The following SUPT3H variants were observed in gnomAD, a reference collection of about 807,000 sequenced individuals.
SUPT3H encodes SPT3 homolog, SAGA and STAGA complex component.
Under a neutral mutation model 44.3 loss-of-function variants are expected in SUPT3H, and 44 were observed. That is an observed-to-expected ratio of 0.99 (90% CI 0.78 to 1.28). SUPT3H has a LOEUF of 1.28. Among genes scored for constraint, SUPT3H ranks in the 50% most tolerant of loss-of-function variants. The pLI is 0.00. For missense variants in SUPT3H, 380 were observed against 387.1 expected (o/e 0.98, Z 0.15); for synonymous variants, 124 against 125.6 (o/e 0.99, Z 0.09).
At chr6:45,206,930 CAATATGTGAACAAGG>C (rs1477810876) in intron 2 of SUPT3H, among the ~76,000 whole-genome samples, 2 of 152,020 alleles carry the variant, frequency 1.3e-5, no homozygotes, top group Non-Finnish European at 2.9e-5. Flanking sequence ...GTACTGATTT[CAATATGTGAACAAGG>C]AGTTCAGAGG....
At position 44,821,072 on chromosome 6, in the gene SUPT3H, A is replaced by C. The variant is rs61700790; in HGVS notation, c.*52+8692T>G. Among the ~76,000 whole-genome samples, 602 of 152,216 alleles carry C rather than the reference A, an allele frequency of 4.0e-3. 7 individuals are homozygous for C. Among genetic ancestry groups the C allele is most frequent in the African/African-American group, 0.014 (573 of 41,530 alleles). On this transcript the variant is annotated intron_variant and NMD_transcript_variant, in intron 11 of 11. Transcript: ENST00000475057. ...TGCTCTGTTGCCCAGGCTGGTCTCCAATTCTTCGCCTCAAGCAATCCTCCC... is the reference window on the plus strand; with the variant it reads ...TGCTCTGTTGCCCAGGCTGGTCTCCCATTCTTCGCCTCAAGCAATCCTCCC...
chr6:45,290,163 G>C (rs892802524), intron 2 of SUPT3H, among the ~76,000 whole-genome samples: 4 of 152,044 alleles, frequency 2.6e-5, no homozygotes, highest in Non-Finnish European at 5.9e-5. Flanking sequence ...CTGGGCAACA[G>C]AGTGAGACCC....
At chr6:44,931,006 CAT>C (rs141132951) in intron 10 of SUPT3H, among the ~76,000 whole-genome samples, 135 of 152,294 alleles carry the variant, frequency 8.9e-4, no homozygotes, top group African/African-American at 2.9e-3. Context: ...TACACACACA[CAT>C]GTATGTAAAT....
intron 2 of SUPT3H, among the ~76,000 whole-genome samples, chr6:45,176,817 G>A (rs966594720): frequency 1.3e-4 from 20 of 152,090 alleles, no homozygotes; most frequent in African/African-American, 4.8e-4. Context: ...GGGGCAGACT[G>A]ACACAAGGCC....
At chr6:45,244,332 G>A (rs952563544) in intron 2 of SUPT3H, among the ~76,000 whole-genome samples, 3 of 152,154 alleles carry the variant, frequency 2.0e-5, no homozygotes, top group African/African-American at 7.2e-5. Context: ...ACCAAGGGGA[G>A]CTGCATATAA....
chr6:44,912,400 C>T (rs969447947), intron 10 of SUPT3H, among the ~76,000 whole-genome samples: 17 of 152,168 alleles, frequency 1.1e-4, no homozygotes, highest in Admixed American at 2.0e-4. Context: ...TGTTATAGCA[C>T]GTATCAGAAC....
intron 10 of SUPT3H, among the ~76,000 whole-genome samples, chr6:44,858,322 A>T (rs1440280303): frequency 7.2e-5 from 11 of 152,182 alleles, no homozygotes; most frequent in Admixed American, 7.2e-4. Flanking sequence ...AAATTTACTG[A>T]GTGCTTGTTA....
At chr6:45,051,125 G>A (rs1333235940) in intron 3 of SUPT3H, among the ~76,000 whole-genome samples, 4 of 152,190 alleles carry the variant, frequency 2.6e-5, no homozygotes, top group Admixed American at 1.3e-4. Flanking sequence ...TCCTGACCTC[G>A]TGATCCACCC....
chr6:45,019,169 T>TA (rs1784746784), intron 4 of SUPT3H, among the ~76,000 whole-genome samples: 1 of 152,184 alleles, frequency 6.6e-6, no homozygotes, highest in South Asian at 2.1e-4. Context: ...TGGTAGTTTG[T>TA]ATTTCTGTGG....
intron 2 of SUPT3H, chr6:45,321,871 G>T: frequency 6.3e-7 from 1 of 1,585,740 alleles, no homozygotes; most frequent in South Asian, 1.1e-5. Context: ...TATTTCTATA[G>T]AATCTGTTTT....
chr6:45,371,356 T>A (rs1356315986), intron 1 of SUPT3H, among the ~76,000 whole-genome samples: 1 of 151,872 alleles, frequency 6.6e-6, no homozygotes, highest in East Asian at 1.9e-4. Flanking sequence ...ATAGAGGAAT[T>A]TGGAGTTTAT....
At chr6:45,372,332 CTGA>C (rs1010544783) in intron 1 of SUPT3H, among the ~76,000 whole-genome samples, 10 of 152,130 alleles carry the variant, frequency 6.6e-5, no homozygotes, top group Non-Finnish European at 1.3e-4. Context: ...TTAGTTCATG[CTGA>C]TGATGATGAT....
chr6:44,880,687 G>C, intron 10 of SUPT3H, among the ~76,000 whole-genome samples: 1 of 152,098 alleles, frequency 6.6e-6, no homozygotes, highest in East Asian at 1.9e-4. Flanking sequence ...AGTAAGAAAG[G>C]GTTACCGACA....
chr6:45,189,000 C>T (rs763002584), intron 2 of SUPT3H, among the ~76,000 whole-genome samples: 3 of 151,960 alleles, frequency 2.0e-5, no homozygotes, highest in Non-Finnish European at 4.4e-5. Context: ...GAGATGAGGT[C>T]TATGTTGCCC....
intron 10 of SUPT3H, among the ~76,000 whole-genome samples, chr6:44,904,727 A>C (rs1435791466): frequency 2.0e-5 from 3 of 152,354 alleles, no homozygotes; most frequent in Admixed American, 2.0e-4. Context: ...TCCTAAGCCA[A>C]AAGAACAAAG....
intron 1 of SUPT3H, among the ~76,000 whole-genome samples, chr6:45,376,520 C>T (rs534408676): frequency 6.6e-6 from 1 of 152,286 alleles, no homozygotes; most frequent in Admixed American, 6.5e-5. Flanking sequence ...CCTAGGCTAC[C>T]ACTAGTGCCT....
chr6:45,173,152 T>C (rs935547144), intron 2 of SUPT3H, among the ~76,000 whole-genome samples: 3 of 152,188 alleles, frequency 2.0e-5, no homozygotes, highest in African/African-American at 7.2e-5. Context: ...AAAAAAACAC[T>C]GTTTTAATAT....
At chr6:45,374,953 T>G (rs554022056) in intron 1 of SUPT3H, among the ~76,000 whole-genome samples, 1 of 152,324 alleles carries the variant, frequency 6.6e-6, no homozygotes, top group South Asian at 2.1e-4. Flanking sequence ...ACACCTGTAA[T>G]CCCAGAACTT....
At chr6:44,989,367 T>C (rs1303499838) in intron 6 of SUPT3H, among the ~76,000 whole-genome samples, 1 of 152,170 alleles carries the variant, frequency 6.6e-6, no homozygotes, top group Non-Finnish European at 1.5e-5. Context: ...TGTATATCTA[T>C]TTCACAATTT....
Sources: allele counts gnomAD v4.1 joint callset (sites outside exome capture counted in the v4.1 genomes callset), GRCh38; gene constraint gnomAD v4.1.1; transcripts MANE v1.5; gene names NCBI Gene and HGNC (gene_info 2026-07-23, HGNC 2026-07-21).